KIRREL3: variants seen among roughly 807,000 people sequenced by gnomAD.
KIRREL3 encodes kirre like nephrin family adhesion molecule 3, also known as kin of IRRE-like protein 3.
In KIRREL3, 36 loss-of-function variants were observed where a neutral mutation model predicts 89.7. The ratio of observed to expected loss-of-function variants is 0.40; its 90% CI spans 0.31 to 0.53. The LOEUF (loss-of-function observed/expected upper bound fraction) is 0.53. Among genes scored for constraint, KIRREL3 ranks in the 20% least tolerant of loss-of-function variants. The pLI, the probability that KIRREL3 is intolerant of heterozygous loss-of-function variation, is 0.49. For missense variants in KIRREL3, 864 were observed against 1,056.6 expected, an observed-to-expected ratio of 0.82 and a Z score of 2.53; for synonymous variants, 445 against 441.4, an observed-to-expected ratio of 1.01 and a Z score of -0.10.
rs926173125 is a variant in KIRREL3, at chr11:126,610,816, CG to C, written c.56-47905del. 1.4e-4 allele frequency: 22 copies of C among 152,252 alleles called. No homozygotes were observed. The highest frequency in any genetic ancestry group is 4.6e-4 in the African/African-American group (19 of 41,542). 9.4% of individuals were successfully genotyped at this position (152,252 alleles called of 1,614,324 possible). ...AGTGGTCTCCCCAGATCATGCAGGT[CG>C]GGGCAGAAGCTTCTCACTCAGAGAA... On this transcript the variant is annotated intron_variant, in intron 1 of 16. Coordinates refer to ENST00000525144, the MANE Select transcript of KIRREL3 (RefSeq NM_032531.4). The surrounding 1 kb of genome is among the most constrained non-coding windows in gnomAD (Gnocchi z 4.6).
rs756545626 is a variant in KIRREL3, at chr11:126,821,351, A to ATATATATATATATATATATGTG, written c.55+179103_55+179104insCACATATATATATATATATATA. On this transcript the variant is annotated intron_variant, in intron 1 of 16. Coordinates refer to ENST00000525144, the MANE Select transcript of KIRREL3 (RefSeq NM_032531.4). ...ACAGTATATATATATATATATATAT[A>ATATATATATATATATATATGTG]TGTAACTTCCAACCAACATCCCTTC... is the stretch of plus-strand genomic sequence containing the variant. 8.1e-4 allele frequency among the ~76,000 whole-genome samples: 85 copies of ATATATATATATATATATATGTG among 105,196 alleles called. 6 individuals carry two copies. The highest frequency in any genetic ancestry group is 1.0e-3 in the East Asian group (3 of 2,976). 69.0% of individuals were successfully genotyped at this position (105,196 alleles called of 152,430 possible). A position where few individuals can be genotyped will look rare whatever the true frequency, so the allele number is the denominator to read the frequency against.
chr11:126,736,317 A>T lies in KIRREL3; in HGVS notation c.56-173405T>A, dbSNP rs1420713042. Among the ~76,000 whole-genome samples, 1 of 152,198 alleles carries T rather than the reference A, an allele frequency of 6.6e-6. No homozygotes were observed. Among genetic ancestry groups the T allele is most frequent in the African/African-American group, 2.4e-5 (1 of 41,446 alleles). ...GTGCACTATCATCTCCATTTTGCAG[A>T]TAAGCAAACCGAGGCTCAGAGAAGT... On this transcript the variant is annotated intron_variant, in intron 1 of 16. Coordinates refer to ENST00000525144, the MANE Select transcript of KIRREL3 (RefSeq NM_032531.4). This position sits in a 1 kb window ranked among gnomAD's most constrained non-coding sequence, Gnocchi z 5.0.
In KIRREL3 at chr11:126,428,899, G is replaced by A. The variant is rs1456884001; in HGVS notation, c.1806+280C>T. ...TAATCTCAAGTGATCCGCCCAACTC[G>A]GTCTCCCAAAGTGTTGGGATTGCAA... On this transcript the variant is annotated intron_variant, in intron 15 of 16. Transcript: ENST00000525144. This position sits in a 1 kb window ranked among gnomAD's most constrained non-coding sequence, Gnocchi z 6.4. 2.0e-5 allele frequency among the ~76,000 whole-genome samples: 3 copies of A among 152,150 alleles called. No homozygotes were observed. The highest frequency in any genetic ancestry group is 2.1e-4 in the South Asian group (1 of 4,832).
At chr11:126,916,208 T>C (rs1365844959) in intron 1 of KIRREL3, among the ~76,000 whole-genome samples, 1 of 152,210 alleles carries the variant, frequency 6.6e-6, no homozygotes, top group African/African-American at 2.4e-5. Flanking sequence ...ATCTTATGGC[T>C]GGTCAGTGGT....
In KIRREL3 at chr11:126,811,439, T is replaced by G. The variant is rs1387865487; in HGVS notation, c.55+189016A>C. ...GCTGCATCCCTAGAACCCTGAAAAG[T>G]GTCTAGCACATAGAGTATTCTCATA... On this transcript the variant is annotated intron_variant, in intron 1 of 16. Transcript: ENST00000525144. This position sits in a 1 kb window ranked among gnomAD's most constrained non-coding sequence, Gnocchi z 4.3. 6.6e-6 allele frequency among the ~76,000 whole-genome samples: 1 copy of G among 152,196 alleles called. No homozygotes were observed. Among genetic ancestry groups the G allele is most frequent in the South Asian group, 2.1e-4 (1 of 4,828 alleles).
chr11:126,693,910 C>T (rs1479869945), intron 1 of KIRREL3, among the ~76,000 whole-genome samples: 1 of 152,236 alleles, frequency 6.6e-6, no homozygotes, highest in East Asian at 1.9e-4. Context: ...GTCCTTGCCC[C>T]TTCCCCAGAT....
At position 126,764,401 on chromosome 11, in the gene KIRREL3, AG is replaced by A. The variant is rs2134277636; in HGVS notation, c.56-201490del. ...AATGGAAGCTACACATTTCTGTCCTAGAGATAGGTGGCAGTGTGGATTCAGG... is the reference window on the plus strand; with the variant it reads ...AATGGAAGCTACACATTTCTGTCCTAAGATAGGTGGCAGTGTGGATTCAGG... On this transcript the variant is annotated intron_variant, in intron 1 of 16. Transcript: ENST00000525144. The surrounding 1 kb of genome is among the most constrained non-coding windows in gnomAD (Gnocchi z 4.2). Among the ~76,000 whole-genome samples the A allele has an allele frequency of 6.6e-6, 1 of 152,248 alleles. No homozygotes were observed. Among genetic ancestry groups the A allele is most frequent in the South Asian group, 2.1e-4 (1 of 4,826 alleles).
chr11:126,518,518 T>TA (rs1445012698), intron 4 of KIRREL3, among the ~76,000 whole-genome samples: 2 of 152,242 alleles, frequency 1.3e-5, no homozygotes, highest in East Asian at 1.9e-4. Flanking sequence ...TTTATTTAAT[T>TA]AAAAATCTAT....
Position 126,564,373 on chromosome 11 carries a change from G to A in KIRREL3, c.56-1461C>T, listed in dbSNP as rs919200270. On this transcript the variant is annotated intron_variant, in intron 1 of 16. Coordinates refer to ENST00000525144, the MANE Select transcript of KIRREL3 (RefSeq NM_032531.4). This position sits in a 1 kb window ranked among gnomAD's most constrained non-coding sequence, Gnocchi z 7.4. ...TGAGACACAGATAAGTCAAGCTCAG[G>A]GGCTCTTGCCCTAGAGAAAAACAAA... 6.6e-6 allele frequency among the ~76,000 whole-genome samples: 1 copy of A among 152,208 alleles called. No homozygotes were observed. The highest frequency in any genetic ancestry group is 2.4e-5 in the African/African-American group (1 of 41,452).
chr11:126,981,401 T>C lies in KIRREL3; in HGVS notation c.55+19054A>G, dbSNP rs1190591126. On this transcript the variant is annotated intron_variant, in intron 1 of 16. Transcript: ENST00000525144. This position sits in a 1 kb window ranked among gnomAD's most constrained non-coding sequence, Gnocchi z 4.2. ...GGCCCACTGACAGCATATTGCCTAA[T>C]CGCCATTATTCTGGAGGAAAATGCT... 2.6e-5 allele frequency among the ~76,000 whole-genome samples: 4 copies of C among 152,188 alleles called. No individual in the cohort carries two copies. In the East Asian group the frequency reaches 7.7e-4, roughly 29 times the overall value.
intron 1 of KIRREL3, among the ~76,000 whole-genome samples, chr11:126,753,502 G>T (rs1052870171): frequency 5.3e-5 from 8 of 152,138 alleles, no homozygotes; most frequent in Admixed American, 2.6e-4. Flanking sequence ...AAAATAAAAT[G>T]AAATAAAAGA....
chr11:126,520,218 G>C lies in KIRREL3; in HGVS notation c.433+1097C>G, dbSNP rs1958540051. Among the ~76,000 whole-genome samples the C allele has an allele frequency of 6.6e-6, 1 of 152,202 alleles. No individual in the cohort carries two copies. The highest frequency in any genetic ancestry group is 1.5e-5 in the Non-Finnish European group (1 of 68,034). ...GTGTGCTTTAGCTGCCAGGAGAGGA[G>C]GCAGCACCCCAGCTGCTGACCCTGT... On this transcript the variant is annotated intron_variant, in intron 4 of 16. Coordinates refer to ENST00000525144, the MANE Select transcript of KIRREL3 (RefSeq NM_032531.4). This position sits in a 1 kb window ranked among gnomAD's most constrained non-coding sequence, Gnocchi z 4.9.
At position 126,792,286 on chromosome 11, in the gene KIRREL3, A is replaced by G. The variant is rs916596507; in HGVS notation, c.55+208169T>C. Among the ~76,000 whole-genome samples, 11 of 152,346 alleles carry G rather than the reference A, an allele frequency of 7.2e-5. No individual in the cohort carries two copies. In the East Asian group the frequency reaches 2.1e-3, roughly 29 times the overall value. Reference sequence around the variant, plus strand: ...GTTGTTGTAAACACAAGATGAAATCATGAGTGGTGTTGGCAACGTTGTAGT... The same window carrying G: ...GTTGTTGTAAACACAAGATGAAATCGTGAGTGGTGTTGGCAACGTTGTAGT... On this transcript the variant is annotated intron_variant, in intron 1 of 16. Transcript: ENST00000525144.
intron 5 of KIRREL3, among the ~76,000 whole-genome samples, chr11:126,472,729 A>AGAGAGAGAGAGAGAGAGAGAGAGC (rs1297311492): frequency 2.0e-5 from 3 of 151,680 alleles, no homozygotes; most frequent in Admixed American, 6.6e-5. Context: ...AGAGAGAGAG[A>AGAGAGAGAGAGAGAGAGAGAGAGC]GAGCACAAGT....
intron 4 of KIRREL3, among the ~76,000 whole-genome samples, chr11:126,517,928 G>A (rs2134418830): frequency 6.6e-6 from 1 of 152,322 alleles, no homozygotes; most frequent in South Asian, 2.1e-4. Context: ...TTCTCCAGAT[G>A]TTCTGCAGGT....
intron 1 of KIRREL3, among the ~76,000 whole-genome samples, chr11:126,960,603 G>A (rs1203987289): frequency 2.6e-5 from 4 of 152,214 alleles, no homozygotes; most frequent in Non-Finnish European, 5.9e-5. Flanking sequence ...GATGGGTAGA[G>A]AGAGCACAGC....
At chr11:126,626,433 C>T (rs978618893) in intron 1 of KIRREL3, among the ~76,000 whole-genome samples, 1 of 152,208 alleles carries the variant, frequency 6.6e-6, no homozygotes, top group African/African-American at 2.4e-5. Context: ...ATGGCATGTG[C>T]ATGGGTCAGT....
At chr11:126,543,243 T>C (rs1000565144) in intron 2 of KIRREL3, among the ~76,000 whole-genome samples, 1 of 152,164 alleles carries the variant, frequency 6.6e-6, no homozygotes, top group African/African-American at 2.4e-5. Context: ...TAGAGATGTT[T>C]CAAGGAGAGG....
At chr11:127,001,391 C>T (rs1012183502), upstream of KIRREL3, among the ~76,000 whole-genome samples, 10 of 150,524 alleles carry the variant, frequency 6.6e-5, no homozygotes, top group Non-Finnish European at 1.3e-4. Flanking sequence ...AGACAAAATG[C>T]AGGAACTAAA....
Sources: allele counts gnomAD v4.1 joint callset (sites outside exome capture counted in the v4.1 genomes callset), GRCh38; gene constraint gnomAD v4.1.1; non-coding constraint Gnocchi (gnomAD v3.1); transcripts MANE v1.5; gene names NCBI Gene and HGNC (gene_info 2026-07-23, HGNC 2026-07-21).